Variants in ATM observed in about 807,000 individuals in gnomAD.
ATM encodes the protein serine-protein kinase ATM.
A neutral mutation model predicts 387.0 loss-of-function variants in ATM; 308 were observed. That is an observed-to-expected ratio of 0.80 (90% CI 0.73 to 0.87). The LOEUF (loss-of-function observed/expected upper bound fraction) is 0.87, where lower values mean the gene tolerates loss of function less well. Ranked by LOEUF, ATM falls within the 40% of genes least tolerant of loss-of-function variation. The probability of loss-of-function intolerance (pLI) is 0.00; values close to 1 mark genes in which losing one functional copy is unlikely to be tolerated. For missense variants in ATM, 3,312 were observed against 3,560.9 expected, an observed-to-expected ratio of 0.93 and a Z score of 1.78; for synonymous variants, 1,156 against 1,187.3, an observed-to-expected ratio of 0.97 and a Z score of 0.54.
At position 108,322,960 on chromosome 11, in the gene ATM, C is replaced by T. The variant is rs140283214; in HGVS notation, c.6572+1540C>T. On this transcript the variant is annotated intron_variant, in intron 45 of 62. Transcript: ENST00000675843. Reference sequence around the variant, plus strand: ...ATGACAAAGTAAAGTGTTTTGGGTCCTCAGTTTCCTCATTTCTAAAGTCAG... The same window carrying T: ...ATGACAAAGTAAAGTGTTTTGGGTCTTCAGTTTCCTCATTTCTAAAGTCAG... Among the ~76,000 whole-genome samples, 4 of 151,888 alleles carry T rather than the reference C, an allele frequency of 2.6e-5. No homozygotes were observed. The East Asian group carries it at 7.7e-4, about 29-fold the overall frequency.
chr11:108,247,636 C>T (rs1459575904), intron 8 of ATM, among the ~76,000 whole-genome samples: 1 of 152,108 alleles, frequency 6.6e-6, no homozygotes, highest in Non-Finnish European at 1.5e-5. Context: ...TGCTCTGTCA[C>T]CCAGGCTGGA....
At chr11:108,315,082 A>G (rs1453469321) in intron 40 of ATM, among the ~76,000 whole-genome samples, 2 of 152,228 alleles carry the variant, frequency 1.3e-5, no homozygotes, top group Non-Finnish European at 2.9e-5. Context: ...CAGTAAACAC[A>G]GTGAAAAAAT....
intron 56 of ATM, 50 bp from the exon 57 acceptor site, chr11:108,343,172 G>A (rs774015520): frequency 5.0e-6 from 8 of 1,602,446 alleles, no homozygotes; most frequent in South Asian, 3.3e-5. Flanking sequence ...ATCATCAAAT[G>A]CTCTTTAATG....
intron 37 of ATM, among the ~76,000 whole-genome samples, 153 bp from the exon 38 acceptor site, chr11:108,307,744 G>T (rs576426783): frequency 6.6e-6 from 1 of 152,096 alleles, no homozygotes. Context: ...AAAAGCAAAA[G>T]AAATCCTATT....
At chr11:108,320,939 A>C (rs567469993) in intron 44 of ATM, among the ~76,000 whole-genome samples, 111 of 152,352 alleles carry the variant, frequency 7.3e-4, no homozygotes, top group Admixed American at 1.4e-3. Flanking sequence ...AGAAAATGTT[A>C]TTGAAAATTA....
In ATM at chr11:108,287,562, T is replaced by C. The variant is rs1290688759; in HGVS notation, c.3994-38T>C. Reference sequence around the variant, plus strand: ...TGAGCTGTCTTGACGTTCACAGATATAAAATATTAAATATATTTTAATTTT... The same window carrying C: ...TGAGCTGTCTTGACGTTCACAGATACAAAATATTAAATATATTTTAATTTT... On this transcript the variant is annotated intron_variant, in intron 26 of 62. Coordinates refer to ENST00000675843, the MANE Select transcript of ATM (RefSeq NM_000051.4). 5.9e-6 allele frequency: 8 copies of C among 1,354,758 alleles called. No individual in the cohort carries two copies. In the South Asian group the frequency reaches 7.3e-5, roughly 12 times the overall value. The allele number at this position is 1,354,758 out of a possible 1,614,324, so 83.9% of individuals were successfully genotyped here.
rs2082910890 is a variant in ATM, at chr11:108,293,308, T to C, written c.4612-5T>C. 1.4e-6 allele frequency: 2 copies of C among 1,480,504 alleles called. No homozygotes were observed. The highest frequency in any genetic ancestry group is 1.2e-5 in the South Asian group (1 of 80,502). 91.7% of individuals were successfully genotyped at this position (1,480,504 alleles called of 1,614,324 possible). On this transcript the variant is annotated splice_region_variant and splice_polypyrimidine_tract_variant and intron_variant, in intron 30 of 62. Transcript: ENST00000675843. ...TATAATTTTTTCTTTTTAAATTATA[T>C]TTAGGTATTGGACTTGTTGAAATAC...
chr11:108,304,808 T>C lies in ATM; in HGVS notation c.5630T>C (p.Phe1877Ser), dbSNP rs202028401. ...QGFFTSCLRH[F>S]SQTSRSTTPA... ...TTTTTCACCAGCTGTCTTCGACACT[T>C]CTCGCAAACGAGCCGATCCACAACC... The change falls in exon 37 of 63, where the codon TTC becomes TCC. Residue 1877 changes from phenylalanine to serine, a missense_variant. By Grantham distance (155) the Phe-to-Ser change is radical (BLOSUM62 -2). Transcript: ENST00000675843. 38 of 1,613,344 alleles carry C rather than the reference T, an allele frequency of 2.4e-5. No individual in the cohort carries two copies. The South Asian group carries it at 3.5e-4, about 15-fold the overall frequency.
intron 18 of ATM, among the ~76,000 whole-genome samples, chr11:108,270,552 C>T (rs2135542583): frequency 6.6e-6 from 1 of 152,140 alleles, no homozygotes; most frequent in East Asian, 1.9e-4. Context: ...AAGTTTTTTA[C>T]CAGAAAAGTT....
At chr11:108,350,078 T>C (rs929974220) in intron 59 of ATM, among the ~76,000 whole-genome samples, 2 of 152,040 alleles carry the variant, frequency 1.3e-5, no homozygotes, top group African/African-American at 4.8e-5. Flanking sequence ...ATTCTAAAAT[T>C]TACCATGGAA....
At chr11:108,281,818 A>G (rs2082248672) in intron 24 of ATM, among the ~76,000 whole-genome samples, 1 of 152,172 alleles carries the variant, frequency 6.6e-6, no homozygotes, top group African/African-American at 2.4e-5. Flanking sequence ...CCAGCCTATA[A>G]TCAGTTAGCC....
At chr11:108,336,618 G>A (rs969228504) in intron 56 of ATM, among the ~76,000 whole-genome samples, 3 of 152,188 alleles carry the variant, frequency 2.0e-5, no homozygotes, top group African/African-American at 4.8e-5. Context: ...ACGCTGTATT[G>A]TAGTGAATAA....
chr11:108,277,978 C>T lies in ATM; in HGVS notation c.3285-1513C>T, dbSNP rs536322769. On this transcript the variant is annotated intron_variant, in intron 22 of 62. Coordinates refer to ENST00000675843, the MANE Select transcript of ATM (RefSeq NM_000051.4). Reference sequence around the variant, plus strand: ...TCTGTTCATTGTTGTATTTTTAGCACCTAAAACAATACTTGGCATGTGATA... The same window carrying T: ...TCTGTTCATTGTTGTATTTTTAGCATCTAAAACAATACTTGGCATGTGATA... 4.9e-4 allele frequency among the ~76,000 whole-genome samples: 74 copies of T among 151,988 alleles called. 1 individual carries two copies. The highest frequency in any genetic ancestry group is 9.4e-4 in the Non-Finnish European group (64 of 68,018).
intron 52 of ATM, 32 bp from the exon 53 acceptor site, chr11:108,332,730 C>A (rs1263381786): frequency 6.2e-7 from 1 of 1,602,876 alleles, no homozygotes; most frequent in South Asian, 1.1e-5. Flanking sequence ...TGGGTAGTTC[C>A]TTATGTAATG....
At position 108,366,290 on chromosome 11, in the gene ATM, A is replaced by G. The variant is rs2091326366; in HGVS notation, c.*782A>G. Reference sequence around the variant, plus strand: ...TCATGAATTCTCTTGTCAGATGTATATAATCTCTTTTACCCTATCCATTGG... The same window carrying G: ...TCATGAATTCTCTTGTCAGATGTATGTAATCTCTTTTACCCTATCCATTGG... On this transcript the variant is annotated 3_prime_UTR_variant, in exon 63 of 63. Transcript: ENST00000675843. The G allele has an allele frequency of 4.8e-6, 1 of 208,170 alleles. No homozygotes were observed. Among genetic ancestry groups the G allele is most frequent in the African/African-American group, 2.3e-5 (1 of 44,006 alleles). The allele number at this position is 208,170 out of a possible 1,614,324, so 12.9% of individuals were successfully genotyped here.
chr11:108,331,876 C>T lies in ATM; in HGVS notation c.7630-3C>T, dbSNP rs587782448. The T allele has an allele frequency of 5.6e-6, 9 of 1,612,770 alleles. No individual in the cohort carries two copies. In the Admixed American group the frequency reaches 6.7e-5, roughly 12 times the overall value. On this transcript the variant is annotated splice_region_variant and splice_polypyrimidine_tract_variant and intron_variant, in intron 51 of 62. Transcript: ENST00000675843. ...CATAAATCTAATAGTTCTTTTCTTA[C>T]AGCTAATCTCTAGAATTTCAATGGA...
chr11:108,295,167 A>G (rs970418639), intron 32 of ATM, 108 bp downstream of exon 32: 32 of 1,431,968 alleles, frequency 2.2e-5, no homozygotes, highest in Middle Eastern at 3.5e-4. Context: ...TCAGACTCTC[A>G]TCATTTAGTT....
chr11:108,262,381 C>T (rs1005790605), intron 16 of ATM, among the ~76,000 whole-genome samples: 6 of 152,178 alleles, frequency 3.9e-5, no homozygotes, highest in African/African-American at 1.4e-4. Context: ...TCCATCCAAA[C>T]TAAGCTTCAT....
intron 7 of ATM, among the ~76,000 whole-genome samples, chr11:108,246,458 C>T (rs1242285981): frequency 6.6e-6 from 1 of 152,084 alleles, no homozygotes; most frequent in African/African-American, 2.4e-5. Flanking sequence ...CCTTTTGTTT[C>T]GCATACTAGT....
Sources: allele counts gnomAD v4.1 joint callset (sites outside exome capture counted in the v4.1 genomes callset), GRCh38; gene constraint gnomAD v4.1.1; transcripts MANE v1.5; gene names NCBI Gene and HGNC (gene_info 2026-07-23, HGNC 2026-07-21).